The following CDC42BPA variants were observed in gnomAD, a reference collection of about 807,000 sequenced individuals.
CDC42BPA encodes the protein CDC42 binding protein kinase alpha.
Under a neutral mutation model 223.5 loss-of-function variants are expected in CDC42BPA, and 80 were observed. The observed-to-expected ratio is 0.36, with a 90% CI of 0.30 to 0.43. CDC42BPA has a LOEUF of 0.43. Ranked by LOEUF, CDC42BPA falls within the 20% of genes least tolerant of loss-of-function variation. The pLI is 1.00. For synonymous variants in CDC42BPA, 694 were observed against 718.6 expected (o/e 0.97, Z 0.55); for missense variants, 1,743 against 2,099.9 (o/e 0.83, Z 3.32).
intron 32 of CDC42BPA, among the ~76,000 whole-genome samples, chr1:227,020,482 T>A (rs1322527282): frequency 6.6e-6 from 1 of 152,232 alleles, no homozygotes; most frequent in Non-Finnish European, 1.5e-5. Context: ...TACTTGCTGT[T>A]TCACCTTGCA....
intron 1 of CDC42BPA, among the ~76,000 whole-genome samples, chr1:227,303,336 C>A (rs1022414548): frequency 6.6e-6 from 1 of 152,188 alleles, no homozygotes; most frequent in African/African-American, 2.4e-5. Context: ...ATCTCCTGTC[C>A]TAATCCCAGT....
chr1:227,290,953 T>A (rs1017613513), intron 1 of CDC42BPA, among the ~76,000 whole-genome samples: 1 of 152,180 alleles, frequency 6.6e-6, no homozygotes, highest in African/African-American at 2.4e-5. Flanking sequence ...TAGGGGAGAC[T>A]GTTTGTTGTC....
At chr1:227,133,687 C>T (rs1343112625) in intron 10 of CDC42BPA, among the ~76,000 whole-genome samples, 1 of 152,148 alleles carries the variant, frequency 6.6e-6, no homozygotes, top group Admixed American at 6.5e-5. Flanking sequence ...CTCTCTGAAA[C>T]ATGTGCTGTG....
At chr1:227,137,946 T>C (rs1040618562) in intron 10 of CDC42BPA, among the ~76,000 whole-genome samples, 9 of 152,162 alleles carry the variant, frequency 5.9e-5, no homozygotes, top group African/African-American at 1.9e-4. Flanking sequence ...TACATCAGTG[T>C]ATACATATAC....
chr1:227,147,893 G>A (rs1372594567), intron 6 of CDC42BPA, among the ~76,000 whole-genome samples: 7 of 98,372 alleles, frequency 7.1e-5, no homozygotes, highest in Admixed American at 4.3e-4. Context: ...AAACCTATAC[G>A]TGTAAAAAAA....
chr1:227,091,663 T>C (rs1179502515), intron 16 of CDC42BPA, among the ~76,000 whole-genome samples: 1 of 152,058 alleles, frequency 6.6e-6, no homozygotes, highest in East Asian at 1.9e-4. Context: ...CTCAAAAAAA[T>C]ATATGGGACA....
intron 21 of CDC42BPA, among the ~76,000 whole-genome samples, chr1:227,060,022 T>A (rs1675474223): frequency 2.7e-5 from 2 of 74,078 alleles, no homozygotes; most frequent in South Asian, 8.3e-4. Flanking sequence ...CTCAAAAAGT[T>A]TTTTTTTGTT....
At chr1:227,296,867 T>C (rs186589829) in intron 1 of CDC42BPA, among the ~76,000 whole-genome samples, 6 of 149,628 alleles carry the variant, frequency 4.0e-5, no homozygotes, top group Admixed American at 4.0e-4. Flanking sequence ...ATATCATTAA[T>C]GCACATTATC....
At chr1:227,153,074 T>C (rs890401821) in intron 6 of CDC42BPA, among the ~76,000 whole-genome samples, 4 of 151,968 alleles carry the variant, frequency 2.6e-5, no homozygotes, top group Non-Finnish European at 4.4e-5. Context: ...GTGCAAAACA[T>C]TGATGATTAC....
intron 10 of CDC42BPA, among the ~76,000 whole-genome samples, chr1:227,135,137 G>A (rs1174701726): frequency 6.6e-6 from 1 of 152,170 alleles, no homozygotes; most frequent in Non-Finnish European, 1.5e-5. Context: ...CCTTTAAATT[G>A]AGAGATAACA....
At position 227,077,970 on chromosome 1, in the gene CDC42BPA, T is replaced by C. The variant is rs377154237; in HGVS notation, c.2480+2923A>G. On this transcript the variant is annotated intron_variant, in intron 17 of 36. Transcript: ENST00000366766. ...CCTTCTACTTCATTCTGAACATTAC[T>C]GTTAAGAGCTATTTGCCTAATCATC... 7.2e-5 allele frequency among the ~76,000 whole-genome samples: 11 copies of C among 152,310 alleles called. No homozygotes were observed. In the East Asian group the frequency reaches 1.3e-3, roughly 19 times the overall value.
chr1:227,027,499 T>TC (rs1255108568), intron 30 of CDC42BPA, among the ~76,000 whole-genome samples: 1 of 152,212 alleles, frequency 6.6e-6, no homozygotes, highest in Non-Finnish European at 1.5e-5. Context: ...TTACTCTATT[T>TC]CCCATATAGA....
Position 227,026,106 on chromosome 1 carries a change from A to T in CDC42BPA, c.4479T>A (p.Asp1493Glu). 1.2e-6 allele frequency: 2 copies of T among 1,608,946 alleles called. No homozygotes were observed. The highest frequency in any genetic ancestry group is 1.7e-6 in the Non-Finnish European group (2 of 1,177,036). The change falls in exon 31 of 37, where the codon GAT becomes GAA. Residue 1493 changes from aspartate to glutamate, a missense_variant. By Grantham distance (45) the Asp-to-Glu change is conservative. Coordinates refer to ENST00000366766, the MANE Select transcript of CDC42BPA (RefSeq NM_001394014.1). ...YLSVYSENAV[D>E]IFDVNSMEWI... ...ATTCCATGGAGTTCACATCAAAGAT[A>T]TCAACTGCATTTTCACTGTACACCG... is the stretch of plus-strand genomic sequence containing the variant.
Position 227,051,567 on chromosome 1 carries a change from T to C in CDC42BPA, c.3009+314A>G, listed in dbSNP as rs143377733. ...AGAATTAAAATATGAGAATGGCACCTGCACTGCCATTTGCCTAGAGTTTCT... is the reference window on the plus strand; with the variant it reads ...AGAATTAAAATATGAGAATGGCACCCGCACTGCCATTTGCCTAGAGTTTCT... On this transcript the variant is annotated intron_variant, in intron 22 of 36. Transcript: ENST00000366766. Among the ~76,000 whole-genome samples the C allele has an allele frequency of 1.9e-3, 292 of 152,316 alleles. 2 individuals are homozygous for C. The highest frequency in any genetic ancestry group is 6.6e-3 in the African/African-American group (275 of 41,572).
At chr1:227,074,236 C>T (rs1269553761) in intron 18 of CDC42BPA, 23 bp downstream of exon 18, 1 of 1,514,798 alleles carries the variant, frequency 6.6e-7, no homozygotes, top group Non-Finnish European at 9.1e-7. Flanking sequence ...GATAAGCCTC[C>T]ATGCAAAATC....
chr1:227,098,327 A>G (rs1353894262), intron 15 of CDC42BPA, among the ~76,000 whole-genome samples: 1 of 152,140 alleles, frequency 6.6e-6, no homozygotes, highest in Non-Finnish European at 1.5e-5. Flanking sequence ...AGAGGTTTAA[A>G]TGCCATGGAA....
chr1:227,059,717 C>T (rs141667249), intron 21 of CDC42BPA, among the ~76,000 whole-genome samples: 1 of 152,186 alleles, frequency 6.6e-6, no homozygotes, highest in East Asian at 1.9e-4. Flanking sequence ...CAGACTGGAA[C>T]AAATGAGAAC....
chr1:227,158,210 T>G (rs1039277514), intron 6 of CDC42BPA, among the ~76,000 whole-genome samples: 6 of 152,142 alleles, frequency 3.9e-5, no homozygotes, highest in Admixed American at 1.3e-4. Flanking sequence ...TCCACCCTCT[T>G]TGGCCTCCCA....
intron 35 of CDC42BPA, among the ~76,000 whole-genome samples, chr1:227,002,678 C>G (rs535819498): frequency 9.2e-4 from 140 of 152,304 alleles, no homozygotes; most frequent in Non-Finnish European, 1.4e-3. Flanking sequence ...AGCCTGCAGC[C>G]AGGCCATAAG....
Sources: allele counts gnomAD v4.1 joint callset (sites outside exome capture counted in the v4.1 genomes callset), GRCh38; gene constraint gnomAD v4.1.1; transcripts MANE v1.5; gene names NCBI Gene and HGNC (gene_info 2026-07-23, HGNC 2026-07-21).